The following RNLS variants were observed in gnomAD, a reference collection of about 807,000 sequenced individuals.
RNLS encodes renalase, FAD dependent amine oxidase.
RNLS carries 39 observed loss-of-function variants against 39.8 expected under a neutral mutation model. That is an observed-to-expected ratio of 0.98 (90% CI 0.76 to 1.28). The LOEUF (loss-of-function observed/expected upper bound fraction) is 1.28. Ranked by LOEUF, RNLS falls within the 50% of genes most tolerant of loss-of-function variation. The pLI, the probability that RNLS is intolerant of heterozygous loss-of-function variation, is 0.00. For missense variants in RNLS, 410 were observed against 413.3 expected (o/e 0.99, Z 0.07); for synonymous variants, 147 against 150.7 (o/e 0.98, Z 0.18).
At chr10:88,322,015 A>G (rs988810761) in intron 5 of RNLS, among the ~76,000 whole-genome samples, 10 of 152,188 alleles carry the variant, frequency 6.6e-5, no homozygotes, top group African/African-American at 1.9e-4. Context: ...CTATAGGCCA[A>G]TATCCCTGAT....
In RNLS at chr10:88,391,886, C is replaced by T. The variant is rs186687255; in HGVS notation, c.527-29161G>A. Among the ~76,000 whole-genome samples the T allele has an allele frequency of 1.2e-4, 19 of 152,318 alleles. No individual in the cohort carries two copies. In the South Asian group the frequency reaches 2.1e-3, roughly 17 times the overall value. On this transcript the variant is annotated intron_variant, in intron 4 of 6. Coordinates refer to ENST00000331772, the MANE Select transcript of RNLS (RefSeq NM_001031709.3). Reference sequence around the variant, plus strand: ...CTTTTCTCATTCTCCCTCCCCTGCCCCCAGCTCTGCAATAACCTGGGAAAC... The same window carrying T: ...CTTTTCTCATTCTCCCTCCCCTGCCTCCAGCTCTGCAATAACCTGGGAAAC...
At chr10:88,172,689 A>C in the RNLS span, among the ~76,000 whole-genome samples, 3 of 151,308 alleles carry the variant, frequency 2.0e-5, no homozygotes, top group African/African-American at 7.4e-5. Flanking sequence ...ATATAGTCCC[A>C]TTTATCTATG....
intron 4 of RNLS, among the ~76,000 whole-genome samples, chr10:88,448,384 C>A (rs1326909177): frequency 2.0e-5 from 3 of 151,892 alleles, no homozygotes; most frequent in African/African-American, 2.4e-5. Context: ...ATGCAGCCAA[C>A]AGACACATGA....
chr10:88,224,837 A>G, the RNLS span, among the ~76,000 whole-genome samples: 15 of 152,332 alleles, frequency 9.8e-5, no homozygotes, highest in African/African-American at 3.6e-4. Context: ...CACTTATTTT[A>G]TGACAGTAAG....
At chr10:88,562,571 G>A (rs1433784225) in intron 4 of RNLS, among the ~76,000 whole-genome samples, 1 of 152,084 alleles carries the variant, frequency 6.6e-6, no homozygotes, top group Admixed American at 6.6e-5. Flanking sequence ...TAAGGAATAA[G>A]AAGAGAACCA....
At position 88,314,984 on chromosome 10, in the gene RNLS, G is replaced by A. The variant is rs1250155842; in HGVS notation, c.701-343C>T. ...ACAAAATTGCTAGCTCTTCAGGGCA[G>A]GGTCCATTTTTTTTATACAGAGTCT... On this transcript the variant is annotated intron_variant, in intron 5 of 6. Coordinates refer to ENST00000331772, the MANE Select transcript of RNLS (RefSeq NM_001031709.3). Among the ~76,000 whole-genome samples the A allele has an allele frequency of 8.5e-5, 13 of 152,176 alleles. No homozygotes were observed. In the South Asian group the frequency reaches 2.5e-3, roughly 29 times the overall value.
intron 4 of RNLS, among the ~76,000 whole-genome samples, chr10:88,421,454 C>T (rs1854403634): frequency 6.6e-6 from 1 of 152,180 alleles, no homozygotes; most frequent in Admixed American, 6.5e-5. Flanking sequence ...GTCCCTCATG[C>T]AGTCACTCTG....
At chr10:88,193,034 G>T in the RNLS span, among the ~76,000 whole-genome samples, 1 of 152,152 alleles carries the variant, frequency 6.6e-6, no homozygotes, top group African/African-American at 2.4e-5. Flanking sequence ...TGTGAATAAG[G>T]AGAGGTGATC....
At chr10:88,295,183 C>T (rs973279123) in intron 6 of RNLS, among the ~76,000 whole-genome samples, 2 of 152,136 alleles carry the variant, frequency 1.3e-5, no homozygotes, top group African/African-American at 4.8e-5. Flanking sequence ...CTTAACCATA[C>T]ACTGAATCTT....
chr10:88,439,292 A>G (rs1418672039), intron 4 of RNLS, among the ~76,000 whole-genome samples: 1 of 152,186 alleles, frequency 6.6e-6, no homozygotes, highest in Non-Finnish European at 1.5e-5. Context: ...TTGCTGGTGT[A>G]ATTTAATTTA....
the RNLS span, among the ~76,000 whole-genome samples, chr10:88,187,591 C>T: frequency 6.6e-6 from 1 of 152,132 alleles, no homozygotes; most frequent in Non-Finnish European, 1.5e-5. Context: ...CCAAGATTCA[C>T]AGCAATAAGA....
chr10:88,325,331 T>TA (rs60857265), intron 5 of RNLS, among the ~76,000 whole-genome samples: 21,846 of 152,210 alleles, frequency 0.14, 1,724 homozygotes, highest in East Asian at 0.33. Flanking sequence ...TTGTTTTTAA[T>TA]AATAGCCATC....
At chr10:88,354,802 A>G (rs1237565654) in intron 5 of RNLS, among the ~76,000 whole-genome samples, 1 of 152,214 alleles carries the variant, frequency 6.6e-6, no homozygotes, top group African/African-American at 2.4e-5. Context: ...AACATCCTGC[A>G]GAGTGTTTTC....
At chr10:88,435,314 A>G (rs2133824598) in intron 4 of RNLS, among the ~76,000 whole-genome samples, 1 of 152,162 alleles carries the variant, frequency 6.6e-6, no homozygotes, top group Admixed American at 6.5e-5. Flanking sequence ...GAGCATACTT[A>G]TTTCCTTTTC....
intron 5 of RNLS, among the ~76,000 whole-genome samples, chr10:88,326,654 T>C (rs922956271): frequency 3.9e-5 from 6 of 152,214 alleles, no homozygotes; most frequent in Non-Finnish European, 8.8e-5. Context: ...GATGATGCGA[T>C]AGAAAACAAC....
intron 6 of RNLS, among the ~76,000 whole-genome samples, chr10:88,306,572 A>T (rs1844932487): frequency 6.6e-6 from 1 of 152,226 alleles, no homozygotes; most frequent in Admixed American, 6.5e-5. Context: ...TTAACTAGAA[A>T]ATATACAATA....
At chr10:88,197,836 C>T in the RNLS span, among the ~76,000 whole-genome samples, 1,877 of 152,228 alleles carry the variant, frequency 0.012, 43 homozygotes, top group African/African-American at 0.043. Flanking sequence ...AGTGAGAAGG[C>T]GGCTATCTAC....
intron 4 of RNLS, among the ~76,000 whole-genome samples, chr10:88,382,286 C>T (rs1247118052): frequency 6.6e-6 from 1 of 151,634 alleles, no homozygotes; most frequent in Admixed American, 6.6e-5. Flanking sequence ...AATTAGATGG[C>T]AAAGCATTGT....
Position 88,466,646 on chromosome 10 carries a change from G to A in RNLS, c.527-103921C>T, listed in dbSNP as rs899469134. 3.3e-5 allele frequency among the ~76,000 whole-genome samples: 5 copies of A among 152,104 alleles called. No individual in the cohort carries two copies. In the East Asian group the frequency reaches 9.7e-4, roughly 29 times the overall value. The stretch of plus-strand genomic sequence containing the variant: ...TGGAACTGTGTCCCACCCTAGTTCT[G>A]CACAGGAAAAATAGCACAGAACATT... On this transcript the variant is annotated intron_variant, in intron 4 of 6. Transcript: ENST00000331772.
Sources: allele counts gnomAD v4.1 joint callset (sites outside exome capture counted in the v4.1 genomes callset), GRCh38; gene constraint gnomAD v4.1.1; transcripts MANE v1.5; gene names NCBI Gene and HGNC (gene_info 2026-07-23, HGNC 2026-07-21).